Variants in FGF14 observed in about 807,000 individuals in gnomAD.
FGF14 encodes fibroblast growth factor 14.
FGF14 carries 5 observed loss-of-function variants against 25.5 expected under a neutral mutation model. The ratio of observed to expected loss-of-function variants is 0.20; its 90% confidence interval spans 0.10 to 0.41. The LOEUF is 0.41. Ranked by LOEUF, FGF14 falls within the 10% of genes least tolerant of loss-of-function variation. The pLI is 1.00. For missense variants in FGF14, 222 were observed against 320.1 expected, an observed-to-expected ratio of 0.69 and a Z score of 2.34; for synonymous variants, 138 against 118.3, an observed-to-expected ratio of 1.17 and a Z score of -1.08.
chr13:102,186,578 T>C (rs2048883170), intron 1 of FGF14, among the ~76,000 whole-genome samples: 1 of 152,192 alleles, frequency 6.6e-6, no homozygotes, highest in South Asian at 2.1e-4. Flanking sequence ...TAATTCTCAA[T>C]GTGAATATGA....
intron 3 of FGF14, among the ~76,000 whole-genome samples, chr13:101,828,472 C>CTT (rs59346051): frequency 0.054 from 7,593 of 141,076 alleles, 637 homozygotes; most frequent in African/African-American, 0.18. Context: ...AAATAAAAGA[C>CTT]TTTTTTTTTT....
chr13:102,324,968 C>T (rs1044052889), intron 1 of FGF14, among the ~76,000 whole-genome samples: 2 of 151,804 alleles, frequency 1.3e-5, no homozygotes, highest in African/African-American at 4.8e-5. Flanking sequence ...TTTTTAAAAA[C>T]TTTACTGTGA....
intron 1 of FGF14, among the ~76,000 whole-genome samples, chr13:101,957,894 C>T (rs188224490): frequency 1.1e-4 from 16 of 148,390 alleles, no homozygotes; most frequent in Admixed American, 9.3e-4. Flanking sequence ...CTGACTATGA[C>T]AAGAAAAAAA....
chr13:101,943,998 CAA>C (rs58695952), intron 1 of FGF14, among the ~76,000 whole-genome samples: 17,446 of 85,322 alleles, frequency 0.2, 1,227 homozygotes, highest in East Asian at 0.33. Context: ...AACTCCGTCT[CAA>C]AAAAAAAAAA....
chr13:102,227,475 T>C (rs1159223420), intron 1 of FGF14, among the ~76,000 whole-genome samples: 2 of 152,144 alleles, frequency 1.3e-5, no homozygotes, highest in Admixed American at 1.3e-4. Context: ...AGACACAAAA[T>C]TGTGTACATT....
At chr13:101,849,559 C>A (rs576167133) in intron 3 of FGF14, among the ~76,000 whole-genome samples, 1 of 152,006 alleles carries the variant, frequency 6.6e-6, no homozygotes, top group African/African-American at 2.4e-5. Flanking sequence ...TCAATGAATA[C>A]GTTAATGATA....
chr13:102,401,206 A>G (rs1313418574), intron 1 of FGF14, among the ~76,000 whole-genome samples: 1 of 148,970 alleles, frequency 6.7e-6, no homozygotes, highest in African/African-American at 2.5e-5. Context: ...GCAACCAAAT[A>G]CATTAAAAAA....
intron 1 of FGF14, among the ~76,000 whole-genome samples, chr13:102,196,007 T>C (rs989835787): frequency 1.3e-5 from 2 of 152,200 alleles, no homozygotes; most frequent in African/African-American, 2.4e-5. Flanking sequence ...AAGCAAGGAA[T>C]TGAATCCACA....
intron 2 of FGF14, among the ~76,000 whole-genome samples, chr13:101,872,599 A>T (rs2045162982): frequency 6.6e-6 from 1 of 152,090 alleles, no homozygotes; most frequent in African/African-American, 2.4e-5. Flanking sequence ...CAATTTGCAT[A>T]GGCCAGAGGA....
At chr13:102,243,086 G>A (rs1439881765) in intron 1 of FGF14, among the ~76,000 whole-genome samples, 1 of 152,064 alleles carries the variant, frequency 6.6e-6, no homozygotes, top group African/African-American at 2.4e-5. Context: ...AGCTAAAACA[G>A]GGACATAATG....
intron 1 of FGF14, among the ~76,000 whole-genome samples, chr13:102,076,360 T>C (rs2043363209): frequency 6.6e-6 from 1 of 152,220 alleles, no homozygotes; most frequent in South Asian, 2.1e-4. Flanking sequence ...CAGTATTCAG[T>C]ACAGGCATAT....
intron 1 of FGF14, among the ~76,000 whole-genome samples, chr13:102,060,233 A>T (rs2042619517): frequency 6.6e-6 from 1 of 152,060 alleles, no homozygotes; most frequent in African/African-American, 2.4e-5. Flanking sequence ...ACCTGTAAAG[A>T]AATAAATCTG....
At chr13:101,743,784 T>G (rs2036710268) in intron 3 of FGF14, among the ~76,000 whole-genome samples, 1 of 152,022 alleles carries the variant, frequency 6.6e-6, no homozygotes, top group Admixed American at 6.6e-5. Context: ...TTCAAAGATT[T>G]AAGATATTCA....
At position 101,715,816 on chromosome 13, in the gene FGF14, G is replaced by A. The variant is rs2034696248; in HGVS notation, c.*7015C>T. 1 of 486,400 alleles carries A rather than the reference G, an allele frequency of 2.1e-6. No individual in the cohort carries two copies. 30.1% of individuals were successfully genotyped at this position (486,400 alleles called of 1,614,324 possible). ...TGAAATCCGAGTACCTATTAGAAAT[G>A]AGTTATGCAAATTTAGATGCAAATA... is the stretch of plus-strand genomic sequence containing the variant. On this transcript the variant is annotated 3_prime_UTR_variant, in exon 5 of 5. Coordinates refer to ENST00000376143, the MANE Select transcript of FGF14 (RefSeq NM_004115.4).
In FGF14 at chr13:102,379,422, A is replaced by C. The variant is rs2058125596; in HGVS notation, c.208+22049T>G. The stretch of plus-strand genomic sequence containing the variant: ...AACATAGATATACACATACACACAC[A>C]CACACACATATTTATATATATGTGT... On this transcript the variant is annotated intron_variant, in intron 1 of 4. Transcript: ENST00000376131. Among the ~76,000 whole-genome samples, 3 of 151,912 alleles carry C rather than the reference A, an allele frequency of 2.0e-5. No individual in the cohort carries two copies. The South Asian group carries it at 6.2e-4, about 32-fold the overall frequency.
chr13:102,053,832 G>C (rs1289573535), intron 1 of FGF14, among the ~76,000 whole-genome samples: 1 of 152,086 alleles, frequency 6.6e-6, no homozygotes, highest in Non-Finnish European at 1.5e-5. Flanking sequence ...TAGAACTTAA[G>C]TTCTACTTCA....
In FGF14 at chr13:101,726,799, G is replaced by T. The variant is rs763749500; in HGVS notation, c.420C>A (p.Thr140=). The part of the protein sequence containing the change: ...EGYLYPSELF[T]PECKFKESVF... ...CAGATTCTTTAAACTTGCATTCAGGGGTAAAAAGTTCCTGTGGAGAGAAAA... is the reference window on the plus strand; with the variant it reads ...CAGATTCTTTAAACTTGCATTCAGGTGTAAAAAGTTCCTGTGGAGAGAAAA... The change falls in exon 4 of 5, where the codon ACC becomes ACA. Residue 140 remains threonine, a synonymous_variant. Coordinates refer to ENST00000376143, the MANE Select transcript of FGF14 (RefSeq NM_004115.4). The T allele has an allele frequency of 6.2e-7, 1 of 1,608,840 alleles. No individual in the cohort carries two copies. The highest frequency in any genetic ancestry group is 8.5e-7 in the Non-Finnish European group (1 of 1,178,024).
chr13:101,749,617 G>A (rs778838070), intron 3 of FGF14, among the ~76,000 whole-genome samples: 7 of 152,042 alleles, frequency 4.6e-5, no homozygotes, highest in Non-Finnish European at 2.9e-5. Flanking sequence ...ATGTGTGTTA[G>A]GGTTAGGAGA....
At chr13:101,926,268 C>G (rs574348446) in intron 1 of FGF14, among the ~76,000 whole-genome samples, 1 of 152,152 alleles carries the variant, frequency 6.6e-6, no homozygotes, top group Non-Finnish European at 1.5e-5. Flanking sequence ...CTCTGATGGA[C>G]AGAATAGCTG....
Sources: gnomAD v4.1 joint callset for allele counts (sites outside exome capture counted in the v4.1 genomes callset) on GRCh38, gnomAD v4.1.1 for gene constraint, MANE v1.5 for transcripts, NCBI Gene and HGNC (gene_info 2026-07-23, HGNC 2026-07-21) for gene names.